Variants in CUL3 observed in about 807,000 individuals in gnomAD.
The protein encoded by CUL3 is cullin-3.
Under a neutral mutation model 89.1 loss-of-function variants are expected in CUL3, and 19 were observed. The observed-to-expected ratio is 0.21, with a 90% CI of 0.15 to 0.31. CUL3 has a LOEUF of 0.31. Ranked by LOEUF, CUL3 falls within the 10% of genes least tolerant of loss-of-function variation. CUL3 has a pLI of 1.00. For missense variants in CUL3, 469 were observed against 942.3 expected, an observed-to-expected ratio of 0.50 and a Z score of 6.58; for synonymous variants, 351 against 308.4, an observed-to-expected ratio of 1.14 and a Z score of -1.45.
intron 2 of CUL3, among the ~76,000 whole-genome samples, chr2:224,549,864 ACACACACACACACG>A (rs758769247): frequency 2.0e-5 from 3 of 151,200 alleles, no homozygotes; most frequent in Admixed American, 6.6e-5. Flanking sequence ...ATATGCGTGC[ACACACACACACACG>A]CACACACACA....
intron 2 of CUL3, among the ~76,000 whole-genome samples, chr2:224,542,452 A>T (rs191482039): frequency 1.3e-5 from 2 of 152,080 alleles, no homozygotes; most frequent in Admixed American, 1.3e-4. Context: ...GAGCCTCCCA[A>T]GTAGCTAGGA....
intron 10 of CUL3, among the ~76,000 whole-genome samples, chr2:224,501,754 T>C (rs1457714765): frequency 1.3e-5 from 2 of 152,182 alleles, no homozygotes; most frequent in African/African-American, 2.4e-5. Context: ...ATTCGCAAGT[T>C]GGTTAGGGGA....
intron 1 of CUL3, among the ~76,000 whole-genome samples, 193 bp downstream of exon 1, chr2:224,584,751 A>C (rs1695537682): frequency 3.4e-5 from 5 of 145,116 alleles, no homozygotes; most frequent in South Asian, 2.1e-4. Flanking sequence ...GGCGCGGGGA[A>C]CGGCCCGGGA....
At chr2:224,544,482 T>C (rs561668235) in intron 2 of CUL3, among the ~76,000 whole-genome samples, 3 of 152,220 alleles carry the variant, frequency 2.0e-5, no homozygotes, top group South Asian at 2.1e-4. Flanking sequence ...TTTACCATTA[T>C]AAGTAATGTT....
At chr2:224,513,415 C>T in intron 5 of CUL3, 109 bp downstream of exon 5, 1 of 728,178 alleles carries the variant, frequency 1.4e-6, no homozygotes, top group East Asian at 2.8e-5. Flanking sequence ...ATACTCCCCT[C>T]CCTTAATGGG....
At chr2:224,483,150 C>T (rs915495753) in intron 13 of CUL3, among the ~76,000 whole-genome samples, 4 of 152,134 alleles carry the variant, frequency 2.6e-5, no homozygotes, top group Non-Finnish European at 5.9e-5. Context: ...AGTATAAATG[C>T]TAATCCCAGA....
chr2:224,494,634 G>A (rs1285692354), intron 13 of CUL3, among the ~76,000 whole-genome samples: 1 of 152,006 alleles, frequency 6.6e-6, no homozygotes, highest in Non-Finnish European at 1.5e-5. Flanking sequence ...TGACGACAAG[G>A]TAATTCGGTG....
chr2:224,528,293 C>G (rs1693554143), intron 3 of CUL3, among the ~76,000 whole-genome samples: 1 of 152,102 alleles, frequency 6.6e-6, no homozygotes, highest in South Asian at 2.1e-4. Context: ...ACTAGTGCCC[C>G]CGCCTCCATT....
chr2:224,481,679 C>T (rs1381956063), intron 14 of CUL3, among the ~76,000 whole-genome samples: 1 of 152,038 alleles, frequency 6.6e-6, no homozygotes, highest in Non-Finnish European at 1.5e-5. Context: ...ACTTTGTTCA[C>T]ACTATAAATT....
intron 5 of CUL3, among the ~76,000 whole-genome samples, chr2:224,512,008 C>T (rs899899326): frequency 3.3e-5 from 5 of 152,156 alleles, no homozygotes; most frequent in Non-Finnish European, 7.4e-5. Flanking sequence ...TTAATTAAGT[C>T]TTCCAGTGCC....
intron 3 of CUL3, among the ~76,000 whole-genome samples, chr2:224,516,400 T>C (rs1346056876): frequency 6.7e-6 from 1 of 149,952 alleles, no homozygotes; most frequent in South Asian, 2.2e-4. Flanking sequence ...CACTGTGAAC[T>C]CTGCCTCCCG....
Position 224,471,095 on chromosome 2 carries a change from C to G in CUL3, c.*3150G>C, listed in dbSNP as rs182663889. 9.0e-6 allele frequency: 2 copies of G among 222,386 alleles called. No individual in the cohort carries two copies. Among genetic ancestry groups the G allele is most frequent in the Non-Finnish European group, 1.8e-5 (2 of 111,452 alleles). The allele number at this position is 222,386 out of a possible 1,614,324, so 13.8% of individuals were successfully genotyped here. Reference sequence around the variant, plus strand: ...ATGTTAACATTTCTAATTATTTCTGCTTTGAGGACTAGAAATGACTTCTAA... The same window carrying G: ...ATGTTAACATTTCTAATTATTTCTGGTTTGAGGACTAGAAATGACTTCTAA... On this transcript the variant is annotated 3_prime_UTR_variant, in exon 16 of 16. Transcript: ENST00000264414.
intron 2 of CUL3, among the ~76,000 whole-genome samples, chr2:224,555,092 T>C (rs1362028132): frequency 1.3e-5 from 2 of 152,154 alleles, no homozygotes; most frequent in Admixed American, 6.6e-5. Flanking sequence ...AATCTATGTG[T>C]CTCCAAACAT....
intron 13 of CUL3, among the ~76,000 whole-genome samples, chr2:224,492,292 T>C (rs1692013341): frequency 6.6e-6 from 1 of 152,202 alleles, no homozygotes; most frequent in Admixed American, 6.5e-5. Context: ...TCCATGATTC[T>C]CGAGTTGTCT....
chr2:224,569,792 A>G (rs1343428043), intron 1 of CUL3: 31 of 1,157,838 alleles, frequency 2.7e-5, no homozygotes, highest in Admixed American at 4.3e-5. Context: ...ACAAAGGACA[A>G]GAAGTCTTTA....
At chr2:224,543,554 G>T (rs920612499) in intron 2 of CUL3, among the ~76,000 whole-genome samples, 1 of 152,080 alleles carries the variant, frequency 6.6e-6, no homozygotes, top group Non-Finnish European at 1.5e-5. Context: ...TCAGATTTTT[G>T]ATTTTTTCAG....
intron 10 of CUL3, among the ~76,000 whole-genome samples, chr2:224,502,209 A>C (rs1692419627): frequency 6.6e-6 from 1 of 152,222 alleles, no homozygotes; most frequent in Non-Finnish European, 1.5e-5. Flanking sequence ...TCATATTTAG[A>C]TACCAAAGGA....
At chr2:224,479,836 G>GA (rs1282016843) in intron 14 of CUL3, 2 of 152,082 alleles carry the variant, frequency 1.3e-5, no homozygotes, top group Non-Finnish European at 2.9e-5. Flanking sequence ...AAGTTGCAGG[G>GA]AAAAAAGTAG....
chr2:224,572,480 TA>T (rs777832978), intron 1 of CUL3, among the ~76,000 whole-genome samples: 936 of 132,914 alleles, frequency 7.0e-3, no homozygotes, highest in Middle Eastern at 0.011. Flanking sequence ...CCCTGTCTCT[TA>T]AAAAAAAAAA....
Sources: allele counts gnomAD v4.1 joint callset (sites outside exome capture counted in the v4.1 genomes callset), GRCh38; gene constraint gnomAD v4.1.1; transcripts MANE v1.5; gene names NCBI Gene and HGNC (gene_info 2026-07-23, HGNC 2026-07-21).